Variants in CNTN5 observed in about 807,000 individuals in gnomAD.
CNTN5 encodes the protein contactin 5.
CNTN5 carries 77 observed loss-of-function variants against 129.1 expected under a neutral mutation model. The ratio of observed to expected loss-of-function variants is 0.60; its 90% CI spans 0.50 to 0.72. The LOEUF is 0.72. CNTN5 is among the 30% of genes least tolerant of loss of function. The probability of loss-of-function intolerance (pLI) is 0.00; values close to 1 mark genes in which losing one functional copy is unlikely to be tolerated. For synonymous variants in CNTN5, 509 were observed against 465.6 expected, an observed-to-expected ratio of 1.09 and a Z score of -1.20; for missense variants, 1,478 against 1,328.8, an observed-to-expected ratio of 1.11 and a Z score of -1.75.
At chr11:99,483,361 GCA>G (rs761757513) in intron 2 of CNTN5, among the ~76,000 whole-genome samples, 1 of 152,040 alleles carries the variant, frequency 6.6e-6, no homozygotes, top group East Asian at 1.9e-4. Context: ...GGGGTCTCAT[GCA>G]CAGTGTCAAC....
intron 2 of CNTN5, among the ~76,000 whole-genome samples, chr11:99,493,130 GC>G (rs1565228948): frequency 6.6e-6 from 1 of 152,138 alleles, no homozygotes; most frequent in African/African-American, 2.4e-5. Context: ...GAACCCCATC[GC>G]TTTGTTTGTA....
intron 2 of CNTN5, among the ~76,000 whole-genome samples, chr11:99,531,622 C>G (rs1455530225): frequency 6.6e-6 from 1 of 152,194 alleles, no homozygotes; most frequent in Non-Finnish European, 1.5e-5. Context: ...GGCCCAGCGT[C>G]CCCGTGCTGT....
intron 13 of CNTN5, among the ~76,000 whole-genome samples, chr11:100,129,597 A>T (rs1243833239): frequency 2.6e-5 from 4 of 152,090 alleles, no homozygotes; most frequent in African/African-American, 9.7e-5. Context: ...AATATTTTTT[A>T]ATTTTCTTCG....
At chr11:99,917,131 A>T (rs762935485) in intron 7 of CNTN5, among the ~76,000 whole-genome samples, 1 of 152,094 alleles carries the variant, frequency 6.6e-6, no homozygotes, top group African/African-American at 2.4e-5. Context: ...AATCGAAAGT[A>T]TGCTGCATAT....
chr11:100,292,263 G>C (rs1054546394), intron 18 of CNTN5, among the ~76,000 whole-genome samples: 3 of 152,000 alleles, frequency 2.0e-5, no homozygotes, highest in Admixed American at 6.6e-5. Flanking sequence ...TGTTCAACAT[G>C]ATGGCGTTTA....
intron 2 of CNTN5, among the ~76,000 whole-genome samples, chr11:99,428,367 C>G (rs573453628): frequency 6.6e-6 from 1 of 151,784 alleles, no homozygotes; most frequent in South Asian, 2.1e-4. Flanking sequence ...GAAGACCAGC[C>G]CGGGCAATAT....
chr11:99,386,195 C>T (rs900458595), intron 2 of CNTN5, among the ~76,000 whole-genome samples: 10 of 152,172 alleles, frequency 6.6e-5, no homozygotes, highest in African/African-American at 2.4e-4. Flanking sequence ...CCCTGAAGCA[C>T]ATCTGTTACA....
chr11:99,786,869 A>G (rs1033904385), intron 3 of CNTN5, among the ~76,000 whole-genome samples: 27 of 152,198 alleles, frequency 1.8e-4, no homozygotes, highest in Non-Finnish European at 4.0e-4. Context: ...TGGATTAGAG[A>G]TTTAAACGTA....
intron 2 of CNTN5, among the ~76,000 whole-genome samples, chr11:99,537,035 T>C (rs1947928170): frequency 6.6e-6 from 1 of 152,146 alleles, no homozygotes; most frequent in Admixed American, 6.6e-5. Flanking sequence ...CAATATGGAC[T>C]AAGTACATTT....
Position 100,046,398 on chromosome 11 carries a change from GT to G in CNTN5, c.981-14813del, listed in dbSNP as rs1296404287. On this transcript the variant is annotated intron_variant, in intron 9 of 24. Transcript: ENST00000524871. Reference sequence around the variant, plus strand: ...AGAGGAAACCAACAGCCTGAAATATGTGTTCATAATCTTTGTGATTTAAGAC... The same window carrying G: ...AGAGGAAACCAACAGCCTGAAATATGGTTCATAATCTTTGTGATTTAAGAC... 2.6e-5 allele frequency among the ~76,000 whole-genome samples: 4 copies of G among 152,122 alleles called. No individual in the cohort carries two copies. The East Asian group carries it at 7.7e-4, about 29-fold the overall frequency.
intron 2 of CNTN5, among the ~76,000 whole-genome samples, chr11:99,378,816 C>A (rs1388327109): frequency 6.6e-6 from 1 of 151,952 alleles, no homozygotes; most frequent in East Asian, 1.9e-4. Flanking sequence ...AAATAGTTTA[C>A]AAGAACATAT....
chr11:99,587,251 C>CT (rs1565324922), intron 3 of CNTN5, among the ~76,000 whole-genome samples: 4 of 152,182 alleles, frequency 2.6e-5, no homozygotes, highest in African/African-American at 7.2e-5. Flanking sequence ...TGCACAGGAT[C>CT]TCCTCATAGA....
chr11:99,836,919 A>T (rs1947326059), intron 4 of CNTN5, among the ~76,000 whole-genome samples: 1 of 152,182 alleles, frequency 6.6e-6, no homozygotes, highest in South Asian at 2.1e-4. Flanking sequence ...TTTGCCATGG[A>T]ATTTGTAAAA....
chr11:99,404,290 T>C (rs1278146504), intron 2 of CNTN5, among the ~76,000 whole-genome samples: 1 of 64 alleles, frequency 0.016, no homozygotes, highest in Non-Finnish European at 0.029. Flanking sequence ...GATCAATGGT[T>C]TTTTTTTTTC....
At chr11:99,939,686 G>A (rs932896528) in intron 7 of CNTN5, among the ~76,000 whole-genome samples, 1 of 151,846 alleles carries the variant, frequency 6.6e-6, no homozygotes. Flanking sequence ...ACCAAAACAT[G>A]ATCTGAATCA....
chr11:99,348,475 G>C (rs1435584276), intron 2 of CNTN5, among the ~76,000 whole-genome samples: 3 of 152,166 alleles, frequency 2.0e-5, no homozygotes, highest in African/African-American at 7.2e-5. Flanking sequence ...AAATAAGTCT[G>C]CTGAGGTTAA....
intron 3 of CNTN5, among the ~76,000 whole-genome samples, chr11:99,771,708 C>T (rs556572534): frequency 6.6e-6 from 1 of 152,052 alleles, no homozygotes; most frequent in Admixed American, 6.6e-5. Flanking sequence ...TGACCACATT[C>T]TGGGGATTTA....
intron 7 of CNTN5, among the ~76,000 whole-genome samples, chr11:99,918,417 T>A (rs1949849564): frequency 6.6e-6 from 1 of 152,182 alleles, no homozygotes; most frequent in Admixed American, 6.6e-5. Flanking sequence ...ATGATGAACT[T>A]TACATCTTAA....
intron 1 of CNTN5, among the ~76,000 whole-genome samples, chr11:99,103,572 A>G (rs953477748): frequency 3.3e-5 from 5 of 152,172 alleles, no homozygotes; most frequent in Non-Finnish European, 7.4e-5. Flanking sequence ...AATTTTCACA[A>G]ATATGAATAT....
Sources: gnomAD v4.1 joint callset for allele counts (sites outside exome capture counted in the v4.1 genomes callset) on GRCh38, gnomAD v4.1.1 for gene constraint, MANE v1.5 for transcripts, NCBI Gene and HGNC (gene_info 2026-07-23, HGNC 2026-07-21) for gene names.